The following GATB variants were observed in gnomAD, a reference collection of about 807,000 sequenced individuals.
GATB encodes glutamyl-tRNA amidotransferase subunit B.
GATB carries 39 observed loss-of-function variants against 62.3 expected under a neutral mutation model. The ratio of observed to expected loss-of-function variants is 0.63; its 90% CI spans 0.48 to 0.82. GATB has a LOEUF of 0.82. GATB is among the 40% of genes least tolerant of loss of function. The pLI, the probability that GATB is intolerant of heterozygous loss-of-function variation, is 0.00. For missense variants in GATB, 670 were observed against 684.0 expected, an observed-to-expected ratio of 0.98 and a Z score of 0.23; for synonymous variants, 276 against 258.9, an observed-to-expected ratio of 1.07 and a Z score of -0.63.
rs1025701070 is a variant in GATB, at chr4:151,671,429, A to C, written c.1546-127T>G. ...TATTTCCACTAGTATTAGACATAAA[A>C]TGTAGAACAGAAAAAGGGGAGGGGC... On this transcript the variant is annotated intron_variant, in intron 12 of 12. Transcript: ENST00000263985. 1.4e-5 allele frequency: 13 copies of C among 900,370 alleles called. No homozygotes were observed. In the African/African-American group the frequency reaches 2.0e-4, roughly 14 times the overall value. 55.8% of individuals were successfully genotyped at this position (900,370 alleles called of 1,614,324 possible). A position where few individuals can be genotyped will look rare whatever the true frequency, so the allele number is the denominator to read the frequency against.
intron 2 of GATB, among the ~76,000 whole-genome samples, chr4:151,746,777 G>A (rs998521272): frequency 6.6e-6 from 1 of 152,212 alleles, no homozygotes; most frequent in African/African-American, 2.4e-5. Flanking sequence ...GGTCAAGACA[G>A]CAGGTGTGCT....
chr4:151,719,296 T>C, intron 3 of GATB, 129 bp downstream of exon 3: 1 of 657,386 alleles, frequency 1.5e-6, no homozygotes, highest in Non-Finnish European at 2.6e-6. Flanking sequence ...CCGAACTTCC[T>C]GCTGGGATGG....
chr4:151,758,529 T>C (rs1298170098), intron 2 of GATB, among the ~76,000 whole-genome samples: 1 of 152,198 alleles, frequency 6.6e-6, no homozygotes. Flanking sequence ...CAATGTCTGG[T>C]ATTAGTAGAC....
Position 151,672,848 on chromosome 4 carries a change from C to T in GATB, c.1459G>A (p.Val487Ile). ...KREGKTPGQI[V>I]SEKQLELMQD... ...ATCAGTTCAAGCTGCTTTTCTGAAACAATCTGCCCTGGAGTCTTGCCTTCC... is the reference window on the plus strand; with the variant it reads ...ATCAGTTCAAGCTGCTTTTCTGAAATAATCTGCCCTGGAGTCTTGCCTTCC... Residue 487 changes from valine to isoleucine, a missense_variant, in exon 12 of 13, where the codon GTT becomes ATT. Val to Ile is a conservative substitution (Grantham distance 29). Transcript: ENST00000263985. 1.2e-6 allele frequency: 2 copies of T among 1,614,218 alleles called. No individual in the cohort carries two copies. Among genetic ancestry groups the T allele is most frequent in the Non-Finnish European group, 1.7e-6 (2 of 1,180,012 alleles).
At chr4:151,688,609 G>C in intron 10 of GATB, 21 bp downstream of exon 10, 1 of 1,588,338 alleles carries the variant, frequency 6.3e-7, no homozygotes, top group East Asian at 2.2e-5. Context: ...AAGGAAGAAA[G>C]AAATCCCAGA....
intron 9 of GATB, among the ~76,000 whole-genome samples, chr4:151,700,533 T>G (rs1023801185): frequency 6.6e-6 from 1 of 152,190 alleles, no homozygotes; most frequent in Non-Finnish European, 1.5e-5. Context: ...TAGTTATGAC[T>G]GGCCATCCAA....
intron 11 of GATB, 46 bp downstream of exon 11, chr4:151,679,767 C>A: frequency 6.6e-7 from 1 of 1,521,364 alleles, no homozygotes; most frequent in South Asian, 1.1e-5. Context: ...GAAAACATTT[C>A]TTGGGACAGT....
chr4:151,736,355 A>G (rs369368100), intron 2 of GATB, among the ~76,000 whole-genome samples: 1 of 152,204 alleles, frequency 6.6e-6, no homozygotes, highest in Non-Finnish European at 1.5e-5. Context: ...CCCCAATTAT[A>G]TATTTTCTAG....
At chr4:151,722,822 G>A (rs1038860752) in intron 2 of GATB, 2 of 152,356 alleles carry the variant, frequency 1.3e-5, no homozygotes, top group African/African-American at 4.8e-5. Context: ...AATGTGTGCT[G>A]AGCTCAAAGG....
chr4:151,718,138 G>A (rs921249123), intron 3 of GATB, among the ~76,000 whole-genome samples: 6 of 152,208 alleles, frequency 3.9e-5, no homozygotes, highest in African/African-American at 1.4e-4. Flanking sequence ...GGTCGAGGGT[G>A]GGGCCTGAAG....
intron 2 of GATB, chr4:151,721,826 C>T (rs1044676418): frequency 4.7e-6 from 1 of 214,956 alleles, no homozygotes; most frequent in Non-Finnish European, 9.0e-6. Flanking sequence ...ACCATAGCCT[C>T]CCTGTGGGAG....
In GATB at chr4:151,716,982, C is replaced by T; in HGVS notation, c.534G>A (p.Val178=). 6.2e-7 allele frequency: 1 copy of T among 1,614,180 alleles called. No individual in the cohort carries two copies. The highest frequency in any genetic ancestry group is 8.5e-7 in the Non-Finnish European group (1 of 1,180,034). The stretch of plus-strand genomic sequence containing the variant: ...GCTTGATCCTCACCGTCTTGGGGAT[C>T]ACCTGACTCTGCTTCTTCCCTGCAC... ...GVCAGKKQSQ[V]IPKTVRIKQI... Residue 178 remains valine (V), a synonymous_variant, in exon 4 of 13, where the codon GTG becomes GTA. Transcript: ENST00000263985.
At position 151,729,062 on chromosome 4, in the gene GATB, A is replaced by C. The variant is rs187583573; in HGVS notation, c.328-9524T>G. Among the ~76,000 whole-genome samples the C allele has an allele frequency of 2.0e-5, 3 of 152,348 alleles. No individual in the cohort carries two copies. In the East Asian group the frequency reaches 5.8e-4, roughly 29 times the overall value. Reference sequence around the variant, plus strand: ...ATCAGGACAGAGACTTTTAGGAAGAAAAAGCTACCTTTAATTTCACACATC... The same window carrying C: ...ATCAGGACAGAGACTTTTAGGAAGACAAAGCTACCTTTAATTTCACACATC... On this transcript the variant is annotated intron_variant, in intron 2 of 12. Coordinates refer to ENST00000263985, the MANE Select transcript of GATB (RefSeq NM_004564.3).
intron 11 of GATB, among the ~76,000 whole-genome samples, chr4:151,676,855 G>T (rs556516586): frequency 1.6e-4 from 24 of 152,320 alleles, no homozygotes; most frequent in Admixed American, 7.2e-4. Flanking sequence ...GGGAGCACTG[G>T]CAGGACACCT....
intron 2 of GATB, among the ~76,000 whole-genome samples, chr4:151,737,285 C>T (rs999112985): frequency 1.3e-5 from 2 of 152,150 alleles, no homozygotes; most frequent in Admixed American, 6.5e-5. Flanking sequence ...AAAGATGACT[C>T]GTGTTATGTT....
chr4:151,709,234 C>T (rs183292330), intron 5 of GATB, among the ~76,000 whole-genome samples: 49 of 152,292 alleles, frequency 3.2e-4, no homozygotes, highest in Admixed American at 2.3e-3. Context: ...TCTCCCAGTG[C>T]TGGGCTGTGG....
chr4:151,671,159 G>A lies in GATB; in HGVS notation c.*15C>T. ...TGTTTGTTGTTGTCCCTTGGGCAAG[G>A]GGATCCCAAACATCTCACAATGACA... is the stretch of plus-strand genomic sequence containing the variant. On this transcript the variant is annotated 3_prime_UTR_variant, in exon 13 of 13. Coordinates refer to ENST00000263985, the MANE Select transcript of GATB (RefSeq NM_004564.3). 6.2e-7 allele frequency: 1 copy of A among 1,614,082 alleles called. No homozygotes were observed. Among genetic ancestry groups the A allele is most frequent in the South Asian group, 1.1e-5 (1 of 91,074 alleles).
At chr4:151,717,606 A>T (rs1264861229) in intron 3 of GATB, among the ~76,000 whole-genome samples, 1 of 151,928 alleles carries the variant, frequency 6.6e-6, no homozygotes, top group African/African-American at 2.4e-5. Context: ...GCCCTCCCTG[A>T]CCCAACCTCC....
chr4:151,716,269 C>T (rs1475406649), intron 4 of GATB, 138 bp from the exon 5 acceptor site: 6 of 875,354 alleles, frequency 6.9e-6, no homozygotes, highest in East Asian at 3.1e-5. Context: ...ATTTCTCTTC[C>T]CTCCCACCTT....
Sources: allele counts gnomAD v4.1 joint callset (sites outside exome capture counted in the v4.1 genomes callset), GRCh38; gene constraint gnomAD v4.1.1; transcripts MANE v1.5; gene names NCBI Gene and HGNC (gene_info 2026-07-23, HGNC 2026-07-21).